Variants in NRXN1 observed in about 807,000 individuals in gnomAD.
NRXN1 encodes the protein neurexin 1, also known as neurexin-1.
A neutral mutation model predicts 150.9 loss-of-function variants in NRXN1; 39 were observed. The observed-to-expected ratio is 0.26, with a 90% CI of 0.20 to 0.34. The LOEUF is 0.34. Among genes scored for constraint, NRXN1 ranks in the 10% least tolerant of loss-of-function variants. The pLI is 1.00. For synonymous variants in NRXN1, 924 were observed against 757.0 expected, an observed-to-expected ratio of 1.22 and a Z score of -3.62; for missense variants, 1,815 against 1,949.9, an observed-to-expected ratio of 0.93 and a Z score of 1.30.
chr2:50,672,148 G>T (rs1036283141), intron 5 of NRXN1, among the ~76,000 whole-genome samples: 7 of 151,596 alleles, frequency 4.6e-5, no homozygotes, highest in Non-Finnish European at 2.9e-5. Context: ...AATCTCTGTT[G>T]ACTATTTACA....
chr2:50,176,089 T>C (rs962499249), intron 18 of NRXN1, among the ~76,000 whole-genome samples: 4 of 152,118 alleles, frequency 2.6e-5, no homozygotes, highest in African/African-American at 4.8e-5. Flanking sequence ...CTATGACTTC[T>C]AGTATTAGCA....
At chr2:50,197,346 T>C (rs1052902223) in intron 18 of NRXN1, among the ~76,000 whole-genome samples, 3 of 152,104 alleles carry the variant, frequency 2.0e-5, no homozygotes, top group Non-Finnish European at 4.4e-5. Context: ...CAATTGATCA[T>C]GAACATTTAA....
chr2:50,002,842 G>T (rs2152535840), intron 21 of NRXN1, among the ~76,000 whole-genome samples: 2 of 152,168 alleles, frequency 1.3e-5, no homozygotes, highest in Middle Eastern at 6.8e-3. Context: ...GAAAGTGTTG[G>T]GATGGGGGAA....
intron 21 of NRXN1, among the ~76,000 whole-genome samples, chr2:50,026,704 G>T (rs1688333862): frequency 1.3e-5 from 2 of 151,694 alleles, no homozygotes; most frequent in Admixed American, 6.6e-5. Context: ...CAGGGAAGTG[G>T]ATTTTTTCAC....
intron 5 of NRXN1, among the ~76,000 whole-genome samples, chr2:50,826,466 A>G (rs1463909370): frequency 6.6e-6 from 1 of 152,094 alleles, no homozygotes; most frequent in South Asian, 2.1e-4. Context: ...TGAAAAGACT[A>G]TTCTAGCCAT....
chr2:50,200,027 C>T (rs2062046905), intron 18 of NRXN1, among the ~76,000 whole-genome samples: 1 of 152,120 alleles, frequency 6.6e-6, no homozygotes, highest in Non-Finnish European at 1.5e-5. Flanking sequence ...TATTAAGGAA[C>T]AGTTACTATG....
At chr2:50,680,732 G>T (rs1223614699) in intron 5 of NRXN1, among the ~76,000 whole-genome samples, 1 of 150,980 alleles carries the variant, frequency 6.6e-6, no homozygotes, top group African/African-American at 2.4e-5. Context: ...TCCTTCTTTG[G>T]ATAACTTTAA....
intron 18 of NRXN1, among the ~76,000 whole-genome samples, chr2:50,144,828 A>C (rs1193303587): frequency 1.3e-5 from 2 of 151,708 alleles, no homozygotes; most frequent in East Asian, 3.9e-4. Context: ...TGCTCTTGAA[A>C]AGTTTATGTA....
intron 1 of NRXN1, among the ~76,000 whole-genome samples, chr2:51,031,389 G>A (rs1671520228): frequency 6.6e-6 from 1 of 151,962 alleles, no homozygotes; most frequent in African/African-American, 2.4e-5. Context: ...ATATTTTAAT[G>A]TTTCTGATAT....
chr2:50,122,800 A>C (rs1243726086), intron 18 of NRXN1, among the ~76,000 whole-genome samples: 1 of 152,190 alleles, frequency 6.6e-6, no homozygotes, highest in Admixed American at 6.5e-5. Flanking sequence ...TAAATTATCA[A>C]GTAATCAGGC....
chr2:50,990,259 T>C (rs1371874908), intron 2 of NRXN1, among the ~76,000 whole-genome samples: 2 of 152,022 alleles, frequency 1.3e-5, no homozygotes, highest in African/African-American at 4.8e-5. Context: ...TGAGTTTTCC[T>C]TTTATTTCTC....
intron 10 of NRXN1, among the ~76,000 whole-genome samples, chr2:50,532,631 T>C (rs2093147904): frequency 6.6e-6 from 1 of 152,148 alleles, no homozygotes; most frequent in Non-Finnish European, 1.5e-5. Flanking sequence ...GCAGTAATGA[T>C]GTGCTTTTGC....
At chr2:50,216,391 A>C (rs2063403251) in intron 18 of NRXN1, among the ~76,000 whole-genome samples, 1 of 152,090 alleles carries the variant, frequency 6.6e-6, no homozygotes. Flanking sequence ...GGTTCAATTT[A>C]AGATATTTGA....
intron 19 of NRXN1, among the ~76,000 whole-genome samples, chr2:50,065,288 G>A (rs1031384431): frequency 2.0e-5 from 3 of 152,106 alleles, no homozygotes; most frequent in African/African-American, 7.2e-5. Flanking sequence ...TAAAACTAAT[G>A]CTGCATCATA....
intron 5 of NRXN1, among the ~76,000 whole-genome samples, chr2:50,688,027 G>C (rs988838178): frequency 6.6e-6 from 1 of 152,192 alleles, no homozygotes. Flanking sequence ...ATGGATTCCT[G>C]TTAGAATCTC....
chr2:51,028,490 G>C lies in NRXN1; in HGVS notation c.-217C>G, dbSNP rs201073462. 2.1e-4 allele frequency: 88 copies of C among 422,466 alleles called. 1 individual carries two copies. In the East Asian group the frequency reaches 2.9e-3, roughly 14 times the overall value. 26.2% of individuals were successfully genotyped at this position (422,466 alleles called of 1,614,324 possible). ...TGTAGTCCTCTTCCAACTGGAAAACGTTGACCCCAGTGGTACAGGGTAGCC... is the reference window on the plus strand; with the variant it reads ...TGTAGTCCTCTTCCAACTGGAAAACCTTGACCCCAGTGGTACAGGGTAGCC... On this transcript the variant is annotated 5_prime_UTR_variant, in exon 2 of 23. Coordinates refer to ENST00000401669, the MANE Select transcript of NRXN1 (RefSeq NM_001330078.2).
intron 21 of NRXN1, among the ~76,000 whole-genome samples, chr2:50,038,917 TGC>T (rs1235666182): frequency 6.6e-6 from 1 of 151,940 alleles, no homozygotes; most frequent in African/African-American, 2.4e-5. Context: ...CGGTGGATCA[TGC>T]CTGTAATCCC....
At chr2:50,309,004 G>T (rs978112820) in intron 17 of NRXN1, among the ~76,000 whole-genome samples, 2 of 152,180 alleles carry the variant, frequency 1.3e-5, no homozygotes, top group African/African-American at 4.8e-5. Context: ...GAGCTGCCCA[G>T]TAAATATTAG....
intron 2 of NRXN1, among the ~76,000 whole-genome samples, chr2:50,999,854 C>T (rs891735856): frequency 3.3e-5 from 5 of 152,064 alleles, no homozygotes; most frequent in African/African-American, 1.2e-4. Context: ...TCCATCATCA[C>T]ATCTGGTCAT....
Sources: allele counts gnomAD v4.1 joint callset (sites outside exome capture counted in the v4.1 genomes callset), GRCh38; gene constraint gnomAD v4.1.1; transcripts MANE v1.5; gene names NCBI Gene and HGNC (gene_info 2026-07-23, HGNC 2026-07-21).